The following SPON1 variants were observed in gnomAD, a reference collection of about 807,000 sequenced individuals.
SPON1 encodes spondin-1.
SPON1 carries 52 observed loss-of-function variants against 111.7 expected under a neutral mutation model. The observed-to-expected ratio is 0.47, with a 90% CI of 0.37 to 0.59. SPON1 has a LOEUF of 0.59. Ranked by LOEUF, SPON1 falls within the 20% of genes least tolerant of loss-of-function variation. The pLI, the probability that SPON1 is intolerant of heterozygous loss-of-function variation, is 0.00. For missense variants in SPON1, 957 were observed against 1,068.5 expected, an observed-to-expected ratio of 0.90 and a Z score of 1.46; for synonymous variants, 410 against 395.8, an observed-to-expected ratio of 1.04 and a Z score of -0.43.
At chr11:14,159,897 G>A (rs1312623538) in intron 6 of SPON1, among the ~76,000 whole-genome samples, 1 of 150,060 alleles carries the variant, frequency 6.7e-6, no homozygotes, top group Admixed American at 6.7e-5. Context: ...GAAGGGTAGT[G>A]GGGGGTGGGA....
chr11:14,237,164 TC>T, intron 6 of SPON1, among the ~76,000 whole-genome samples: 1 of 152,228 alleles, frequency 6.6e-6, no homozygotes, highest in East Asian at 1.9e-4. Flanking sequence ...ACCAGAACAC[TC>T]ACCCAGGCAT....
At chr11:14,175,981 T>A (rs1848170243) in intron 6 of SPON1, among the ~76,000 whole-genome samples, 5 of 152,174 alleles carry the variant, frequency 3.3e-5, no homozygotes, top group Admixed American at 3.3e-4. Flanking sequence ...ACTATCAGCC[T>A]GGCAAAGCTC....
At position 13,988,563 on chromosome 11, in the gene SPON1, G is replaced by T. The variant is rs186741913; in HGVS notation, c.345+5610G>T. Among the ~76,000 whole-genome samples, 17 of 152,190 alleles carry T rather than the reference G, an allele frequency of 1.1e-4. 1 individual carries two copies. In the East Asian group the frequency reaches 1.2e-3, roughly 10 times the overall value. On this transcript the variant is annotated intron_variant, in intron 2 of 15. Coordinates refer to ENST00000576479, the MANE Select transcript of SPON1 (RefSeq NM_006108.4). ...TTTCTTTCTCTTGTCTGATTGCCCT[G>T]GCTAGAACTTCCAACACTATGTTGA...
chr11:14,154,221 G>T (rs182956031), intron 6 of SPON1, among the ~76,000 whole-genome samples: 25 of 152,280 alleles, frequency 1.6e-4, no homozygotes, highest in Non-Finnish European at 2.2e-4. Context: ...CTGTGTGGGG[G>T]CTCCAACCCC....
chr11:14,000,435 C>T (rs1371228111), intron 2 of SPON1, among the ~76,000 whole-genome samples: 1 of 152,118 alleles, frequency 6.6e-6, no homozygotes, highest in Non-Finnish European at 1.5e-5. Context: ...TAGCTATTAC[C>T]CCTACTGCAA....
At chr11:14,041,201 T>G (rs112985924) in intron 2 of SPON1, among the ~76,000 whole-genome samples, 1 of 152,204 alleles carries the variant, frequency 6.6e-6, no homozygotes, top group African/African-American at 2.4e-5. Flanking sequence ...CCATCCTCCT[T>G]CTTCCCCAAA....
At chr11:14,171,950 G>A (rs1290943667) in intron 6 of SPON1, among the ~76,000 whole-genome samples, 2 of 152,206 alleles carry the variant, frequency 1.3e-5, no homozygotes, top group Non-Finnish European at 2.9e-5. Flanking sequence ...GTGTGGTGCT[G>A]AAAAGAATGT....
intron 3 of SPON1, among the ~76,000 whole-genome samples, chr11:14,060,809 G>C (rs1310460567): frequency 6.6e-6 from 1 of 152,158 alleles, no homozygotes; most frequent in Admixed American, 6.5e-5. Flanking sequence ...TAAAACCAAG[G>C]CATGTGGGCC....
At chr11:14,045,159 G>C (rs1020592056) in intron 3 of SPON1, among the ~76,000 whole-genome samples, 8 of 152,182 alleles carry the variant, frequency 5.3e-5, no homozygotes, top group Non-Finnish European at 8.8e-5. Context: ...GAACAAGAGA[G>C]CCTAAATCTT....
At chr11:14,167,944 A>G (rs1471660426) in intron 6 of SPON1, among the ~76,000 whole-genome samples, 1 of 152,210 alleles carries the variant, frequency 6.6e-6, no homozygotes, top group African/African-American at 2.4e-5. Context: ...GGTTAAGACA[A>G]TCTATAAAAT....
intron 2 of SPON1, among the ~76,000 whole-genome samples, chr11:14,010,838 C>T (rs1052303467): frequency 6.6e-6 from 1 of 152,180 alleles, no homozygotes; most frequent in Admixed American, 6.5e-5. Flanking sequence ...CCAGCTTGTC[C>T]GGAGCTTGAA....
At chr11:14,234,923 C>G (rs1160944070) in intron 6 of SPON1, among the ~76,000 whole-genome samples, 1 of 152,250 alleles carries the variant, frequency 6.6e-6, no homozygotes, top group Non-Finnish European at 1.5e-5. Context: ...GTTGATCAGA[C>G]AGCAGCTTGT....
chr11:14,228,007 A>T lies in SPON1; in HGVS notation c.826-15325A>T, dbSNP rs1404725340. Among the ~76,000 whole-genome samples, 3 of 152,220 alleles carry T rather than the reference A, an allele frequency of 2.0e-5. No individual in the cohort carries two copies. The East Asian group carries it at 5.8e-4, about 29-fold the overall frequency. ...TTATGCTTATAGCTCTCTTAAGATG[A>T]TAAAAACAAAATAGTGATACTAATA... On this transcript the variant is annotated intron_variant, in intron 6 of 15. Coordinates refer to ENST00000576479, the MANE Select transcript of SPON1 (RefSeq NM_006108.4). This position sits in a 1 kb window ranked among gnomAD's most constrained non-coding sequence, Gnocchi z 4.2.
intron 2 of SPON1, among the ~76,000 whole-genome samples, chr11:14,018,862 A>C (rs4388875): frequency 0.31 from 47,430 of 152,110 alleles, 8,292 homozygotes; most frequent in South Asian, 0.51. Context: ...AAAGATTTGA[A>C]AAGAAGCAGC....
chr11:14,108,125 A>G (rs1849199501), intron 5 of SPON1, among the ~76,000 whole-genome samples: 1 of 152,218 alleles, frequency 6.6e-6, no homozygotes, highest in Non-Finnish European at 1.5e-5. Flanking sequence ...CAGTAAAATC[A>G]CAGTCTACAT....
chr11:13,994,305 A>G (rs1475437464), intron 2 of SPON1, among the ~76,000 whole-genome samples: 1 of 152,232 alleles, frequency 6.6e-6, no homozygotes, highest in African/African-American at 2.4e-5. Context: ...TGGAGTAGAA[A>G]CAGTTTCTTG....
At chr11:14,180,280 A>T (rs60782475) in intron 6 of SPON1, among the ~76,000 whole-genome samples, 11 of 152,216 alleles carry the variant, frequency 7.2e-5, no homozygotes. Context: ...TAAATTTGTC[A>T]GTGTAATACA....
intron 6 of SPON1, among the ~76,000 whole-genome samples, chr11:14,233,274 T>C (rs1414371311): frequency 6.6e-6 from 1 of 152,146 alleles, no homozygotes; most frequent in Non-Finnish European, 1.5e-5. Context: ...GTAAAATATA[T>C]CTGCATCCCA....
At chr11:14,165,584 A>G (rs1848019988) in intron 6 of SPON1, among the ~76,000 whole-genome samples, 1 of 152,246 alleles carries the variant, frequency 6.6e-6, no homozygotes. Flanking sequence ...GAGGAGTACA[A>G]TTCCCAATTT....
Sources: gnomAD v4.1 joint callset for allele counts (sites outside exome capture counted in the v4.1 genomes callset) on GRCh38, gnomAD v4.1.1 for gene constraint, Gnocchi (gnomAD v3.1) non-coding constraint, MANE v1.5 for transcripts, NCBI Gene and HGNC (gene_info 2026-07-23, HGNC 2026-07-21) for gene names.